TSHZ2: variants seen among roughly 807,000 people sequenced by gnomAD.
The protein encoded by TSHZ2 is teashirt zinc finger homeobox 2.
TSHZ2 carries 21 observed loss-of-function variants against 74.4 expected under a neutral mutation model. The ratio of observed to expected loss-of-function variants is 0.28; its 90% CI spans 0.20 to 0.41. The LOEUF is 0.41. TSHZ2 is among the 10% of genes least tolerant of loss of function. The probability of loss-of-function intolerance (pLI) is 1.00; values close to 1 mark genes in which losing one functional copy is unlikely to be tolerated. For missense variants in TSHZ2, 1,244 were observed against 1,293.5 expected, an observed-to-expected ratio of 0.96 and a Z score of 0.59; for synonymous variants, 540 against 515.3, an observed-to-expected ratio of 1.05 and a Z score of -0.65.
At chr20:53,174,774 G>T (rs571698478) in intron 1 of TSHZ2, among the ~76,000 whole-genome samples, 25 of 152,298 alleles carry the variant, frequency 1.6e-4, no homozygotes, top group Admixed American at 1.6e-3. Flanking sequence ...CGGAGGGGCA[G>T]TCCCAGTGTA....
chr20:53,460,291 CTTCAT>C (rs558389067), intron 2 of TSHZ2, among the ~76,000 whole-genome samples: 1 of 151,694 alleles, frequency 6.6e-6, no homozygotes, highest in East Asian at 1.9e-4. Flanking sequence ...TCCCTTCTCG[CTTCAT>C]TTCATCTTCC....
intron 1 of TSHZ2, among the ~76,000 whole-genome samples, chr20:53,035,151 G>T (rs997603908): frequency 1.3e-5 from 2 of 152,182 alleles, no homozygotes; most frequent in African/African-American, 4.8e-5. Context: ...CAGCCCACAC[G>T]ACTACAAGCC....
chr20:53,454,600 G>GT (rs1984973532), intron 2 of TSHZ2, among the ~76,000 whole-genome samples: 1 of 151,532 alleles, frequency 6.6e-6, no homozygotes, highest in Admixed American at 6.6e-5. Context: ...AATGTTAAAT[G>GT]TGTTAATGTG....
chr20:53,313,139 C>G (rs1016078776), intron 2 of TSHZ2, among the ~76,000 whole-genome samples: 1 of 152,196 alleles, frequency 6.6e-6, no homozygotes, highest in Non-Finnish European at 1.5e-5. Flanking sequence ...TTTCATTTAG[C>G]AGAAACCTTC....
intron 1 of TSHZ2, among the ~76,000 whole-genome samples, chr20:53,106,647 G>A (rs902739816): frequency 1.3e-5 from 2 of 149,590 alleles, no homozygotes; most frequent in Admixed American, 6.7e-5. Context: ...CTCATGATCC[G>A]CCGGCCTCCC....
At chr20:53,426,667 T>C (rs1436017592) in intron 2 of TSHZ2, among the ~76,000 whole-genome samples, 2 of 152,208 alleles carry the variant, frequency 1.3e-5, no homozygotes, top group East Asian at 1.9e-4. Flanking sequence ...GCTAATAAAG[T>C]ATACTTGACA....
intron 1 of TSHZ2, among the ~76,000 whole-genome samples, chr20:53,117,008 A>AG (rs1453850509): frequency 1.3e-5 from 2 of 151,978 alleles, no homozygotes; most frequent in Admixed American, 6.6e-5. Context: ...AGTAGGGTGG[A>AG]GGATGGTGTA....
chr20:53,325,639 G>A (rs950883431), intron 2 of TSHZ2, among the ~76,000 whole-genome samples: 2 of 151,708 alleles, frequency 1.3e-5, no homozygotes, highest in Admixed American at 1.3e-4. Flanking sequence ...ATGGAGGCAA[G>A]TTGCTGCATG....
intron 2 of TSHZ2, among the ~76,000 whole-genome samples, chr20:53,442,038 G>A (rs1236185815): frequency 6.6e-6 from 1 of 152,210 alleles, no homozygotes; most frequent in African/African-American, 2.4e-5. Context: ...GAGTGTGTTG[G>A]GTTGGGCAGA....
chr20:53,404,339 A>G (rs571217048), intron 2 of TSHZ2, among the ~76,000 whole-genome samples: 3 of 152,342 alleles, frequency 2.0e-5, no homozygotes, highest in African/African-American at 7.2e-5. Context: ...TATATCATTT[A>G]AAAAGCCCAT....
chr20:53,225,039 A>C (rs761108457), intron 1 of TSHZ2, among the ~76,000 whole-genome samples: 14 of 152,278 alleles, frequency 9.2e-5, no homozygotes, highest in Non-Finnish European at 1.6e-4. Flanking sequence ...TTCTGTTGCA[A>C]CTGCTCCACT....
intron 1 of TSHZ2, among the ~76,000 whole-genome samples, chr20:53,001,210 G>GTGTGTGTGTGTGTGTGTGTGTGTGTATA (rs1568713382): frequency 9.2e-5 from 7 of 76,436 alleles, no homozygotes; most frequent in African/African-American, 3.9e-4. Flanking sequence ...ATGTGCGTGT[G>GTGTGTGTGTGTGTGTGTGTGTGTGTATA]TGTGTGTGTG....
intron 1 of TSHZ2, among the ~76,000 whole-genome samples, chr20:53,113,281 G>A (rs1986582499): frequency 6.6e-6 from 1 of 152,162 alleles, no homozygotes; most frequent in African/African-American, 2.4e-5. Flanking sequence ...AATCCCTGGA[G>A]GGAAATTTTC....
rs1984014200 is a variant in TSHZ2 at position 53,040,836 on chromosome 20, A to G, written c.40+67503A>G. On this transcript the variant is annotated intron_variant, in intron 1 of 2. Coordinates refer to ENST00000371497, the MANE Select transcript of TSHZ2 (RefSeq NM_173485.6). The stretch of plus-strand genomic sequence containing the variant: ...CAGCTCAGCCTTCCTTAGGCGCAGC[A>G]TTTGCTCCCTCCCCGAGTTTGACAC... Among the ~76,000 whole-genome samples, 5 of 152,046 alleles carry G rather than the reference A, an allele frequency of 3.3e-5. No homozygotes were observed. In the South Asian group the frequency reaches 1.0e-3, roughly 32 times the overall value.
chr20:53,372,899 A>G (rs1013733506), intron 2 of TSHZ2, among the ~76,000 whole-genome samples: 9 of 152,310 alleles, frequency 5.9e-5, no homozygotes, highest in African/African-American at 2.2e-4. Flanking sequence ...GGAAAAGCAA[A>G]CCGCTTTTTC....
chr20:53,423,244 A>G (rs112053244), intron 2 of TSHZ2, among the ~76,000 whole-genome samples: 5 of 152,302 alleles, frequency 3.3e-5, no homozygotes, highest in African/African-American at 1.2e-4. Flanking sequence ...ACTAAAAAAT[A>G]TGAAAATTAG....
intron 1 of TSHZ2, among the ~76,000 whole-genome samples, chr20:53,140,032 A>G (rs1337006925): frequency 6.6e-6 from 1 of 152,104 alleles, no homozygotes; most frequent in African/African-American, 2.4e-5. Context: ...TTCGACAAAT[A>G]TTTACTGAGC....
In TSHZ2 at chr20:53,004,145, C is replaced by A. The variant is rs544051435; in HGVS notation, c.40+30812C>A. Among the ~76,000 whole-genome samples, 299 of 152,220 alleles carry A rather than the reference C, an allele frequency of 2.0e-3. 1 individual carries two copies. The highest frequency in any genetic ancestry group is 6.7e-3 in the African/African-American group (277 of 41,528). On this transcript the variant is annotated intron_variant, in intron 1 of 2. Transcript: ENST00000371497. ...GCATGGAACACGCACCCACTCCCCC[C>A]CTCCAATTAAATACCTGCCCCAACT...
At chr20:53,193,969 C>A (rs898054447) in intron 1 of TSHZ2, among the ~76,000 whole-genome samples, 1 of 152,194 alleles carries the variant, frequency 6.6e-6, no homozygotes, top group Non-Finnish European at 1.5e-5. Context: ...AGTGCTCAGA[C>A]TTTGGAACAC....
Sources: gnomAD v4.1 joint callset for allele counts (sites outside exome capture counted in the v4.1 genomes callset) on GRCh38, gnomAD v4.1.1 for gene constraint, MANE v1.5 for transcripts, NCBI Gene and HGNC (gene_info 2026-07-23, HGNC 2026-07-21) for gene names.